NCAPG2: variants seen among roughly 807,000 people sequenced by gnomAD.
The protein encoded by NCAPG2 is non-SMC condensin II complex subunit G2.
Under a neutral mutation model 141.1 loss-of-function variants are expected in NCAPG2, and 53 were observed. That is an observed-to-expected ratio of 0.38 (90% CI 0.30 to 0.47). The LOEUF is 0.47. Among genes scored for constraint, NCAPG2 ranks in the 20% least tolerant of loss-of-function variants. The pLI is 0.99. For missense variants in NCAPG2, 1,087 were observed against 1,389.0 expected (o/e 0.78, Z 3.46); for synonymous variants, 499 against 490.7 (o/e 1.02, Z -0.22).
intron 22 of NCAPG2, among the ~76,000 whole-genome samples, chr7:158,654,156 C>G (rs2129458830): frequency 6.6e-6 from 1 of 152,324 alleles, no homozygotes; most frequent in East Asian, 1.9e-4. Flanking sequence ...ATGGGTCACC[C>G]TGTGCTAACC....
rs186906011 is a variant in NCAPG2 at position 158,698,353 on chromosome 7, G to T, written c.78+3469C>A. ...GGCCTTCACATTTACTCACTACTCA[G>T]TTATTCACCCAGAACAACTTCCAGT... On this transcript the variant is annotated intron_variant, in intron 2 of 27. Transcript: ENST00000356309. 3.1e-3 allele frequency among the ~76,000 whole-genome samples: 476 copies of T among 152,300 alleles called. 3 individuals carry two copies. The highest frequency in any genetic ancestry group is 0.011 in the African/African-American group (465 of 41,552).
intron 3 of NCAPG2, 79 bp from the exon 4 acceptor site, chr7:158,693,035 A>T: frequency 9.5e-7 from 1 of 1,053,902 alleles, no homozygotes. Context: ...TTCAGTTACA[A>T]ATTTTCTAAA....
intron 7 of NCAPG2, among the ~76,000 whole-genome samples, chr7:158,687,080 T>G (rs1437618435): frequency 6.6e-6 from 1 of 152,232 alleles, no homozygotes; most frequent in Admixed American, 6.5e-5. Context: ...GACATGGCTT[T>G]ATTACGAGCG....
rs1225957157 is a variant in NCAPG2 at position 158,648,525 on chromosome 7, C to T, written c.3076-1962G>A. On this transcript the variant is annotated intron_variant, in intron 24 of 27. Coordinates refer to ENST00000356309, the MANE Select transcript of NCAPG2 (RefSeq NM_017760.7). ...AAAAAAAAAGAATGGACTATAACCA[C>T]GCCAAATGGACGACAACCACGGCAA... 2.0e-5 allele frequency among the ~76,000 whole-genome samples: 3 copies of T among 146,908 alleles called. 1 individual carries two copies. Among genetic ancestry groups the T allele is most frequent in the Non-Finnish European group, 4.5e-5 (3 of 66,784 alleles).
chr7:158,678,424 G>A (rs2129467221), intron 11 of NCAPG2, among the ~76,000 whole-genome samples: 1 of 152,260 alleles, frequency 6.6e-6, no homozygotes, highest in South Asian at 2.1e-4. Context: ...ATTTCTTAAT[G>A]GTTGGAAAAA....
intron 12 of NCAPG2, among the ~76,000 whole-genome samples, chr7:158,672,262 A>T (rs1833734952): frequency 1.6e-5 from 2 of 128,700 alleles, no homozygotes; most frequent in African/African-American, 3.0e-5. Context: ...AAAAGTATAT[A>T]CGGTATTCCA....
chr7:158,636,915 C>T (rs1830238857), intron 27 of NCAPG2, among the ~76,000 whole-genome samples: 1 of 152,022 alleles, frequency 6.6e-6, no homozygotes, highest in Admixed American at 6.6e-5. Flanking sequence ...AAACAAGCTC[C>T]TAAGGCCAAT....
At chr7:158,675,713 A>T (rs1307782977) in intron 11 of NCAPG2, 57 bp from the exon 12 acceptor site, 2 of 1,551,940 alleles carry the variant, frequency 1.3e-6, no homozygotes, top group Non-Finnish European at 1.8e-6. Flanking sequence ...CGAAATCCAC[A>T]TCTGCTTCAC....
intron 11 of NCAPG2, among the ~76,000 whole-genome samples, chr7:158,678,437 G>A (rs982926000): frequency 6.6e-6 from 1 of 152,188 alleles, no homozygotes; most frequent in Non-Finnish European, 1.5e-5. Flanking sequence ...TGGAAAAAAT[G>A]AACAAATTAA....
At chr7:158,662,694 C>T (rs1832608646) in intron 15 of NCAPG2, among the ~76,000 whole-genome samples, 1 of 152,156 alleles carries the variant, frequency 6.6e-6, no homozygotes, top group African/African-American at 2.4e-5. Context: ...TTCACTGTAT[C>T]TTCTGTTTTA....
At chr7:158,671,466 A>G in intron 13 of NCAPG2, 48 bp downstream of exon 13, 2 of 1,602,962 alleles carry the variant, frequency 1.2e-6, no homozygotes, top group African/African-American at 2.7e-5. Flanking sequence ...TTTGATGAAC[A>G]CATGTCCCTA....
At chr7:158,659,179 A>T (rs1587141105) in intron 16 of NCAPG2, among the ~76,000 whole-genome samples, 1 of 151,854 alleles carries the variant, frequency 6.6e-6, no homozygotes, top group South Asian at 2.1e-4. Context: ...AAAATTCAAA[A>T]TTAGCCAGGC....
intron 4 of NCAPG2, 136 bp downstream of exon 4, chr7:158,692,706 A>C (rs981634756): frequency 1.5e-6 from 1 of 676,814 alleles, no homozygotes; most frequent in Admixed American, 3.0e-5. Context: ...GCGCCATTGC[A>C]CTCCTGCCTA....
intron 22 of NCAPG2, among the ~76,000 whole-genome samples, chr7:158,652,847 G>A (rs1831586705): frequency 6.6e-6 from 1 of 152,184 alleles, no homozygotes; most frequent in Non-Finnish European, 1.5e-5. Flanking sequence ...TTATTTTTAA[G>A]AGAACAGATA....
chr7:158,698,010 A>T (rs58147040), intron 2 of NCAPG2, among the ~76,000 whole-genome samples: 4,224 of 152,316 alleles, frequency 0.028, 180 homozygotes, highest in African/African-American at 0.092. Context: ...ATAACTAATT[A>T]CTAGGCTTAA....
intron 26 of NCAPG2, 27 bp from the exon 27 acceptor site, chr7:158,644,415 A>G: frequency 6.4e-7 from 1 of 1,573,784 alleles, no homozygotes. Context: ...AAAAGACAGA[A>G]AAGACTTTAA....
chr7:158,664,416 A>C, intron 14 of NCAPG2, 112 bp downstream of exon 14: 1 of 1,486,634 alleles, frequency 6.7e-7, no homozygotes, highest in Non-Finnish European at 9.3e-7. Context: ...AATCATTCAG[A>C]AATGCATTAA....
chr7:158,661,422 T>A (rs1832495188), intron 16 of NCAPG2, among the ~76,000 whole-genome samples: 2 of 151,938 alleles, frequency 1.3e-5, no homozygotes, highest in South Asian at 4.2e-4. Context: ...AATGAGAAGG[T>A]CCTGCATGCA....
At chr7:158,666,727 C>T (rs1167204676) in intron 13 of NCAPG2, among the ~76,000 whole-genome samples, 1 of 151,464 alleles carries the variant, frequency 6.6e-6, no homozygotes. Flanking sequence ...AGGATTTTGA[C>T]GCCACCCTGG....
Sources: gnomAD v4.1 joint callset for allele counts (sites outside exome capture counted in the v4.1 genomes callset) on GRCh38, gnomAD v4.1.1 for gene constraint, MANE v1.5 for transcripts, NCBI Gene and HGNC (gene_info 2026-07-23, HGNC 2026-07-21) for gene names.